The following PLXDC1 variants were observed in gnomAD, a reference collection of about 807,000 sequenced individuals.
The protein encoded by PLXDC1 is plexin domain-containing protein 1.
In PLXDC1, 39 loss-of-function variants were observed where a neutral mutation model predicts 61.3. That is an observed-to-expected ratio of 0.64 (90% CI 0.49 to 0.83). The LOEUF is 0.83. PLXDC1 is among the 40% of genes least tolerant of loss of function. PLXDC1 has a pLI of 0.00. For synonymous variants in PLXDC1, 212 were observed against 254.5 expected (o/e 0.83, Z 1.59); for missense variants, 596 against 666.5 (o/e 0.89, Z 1.17).
rs1271051337 is a variant in PLXDC1 at position 39,128,376 on chromosome 17, C to T, written c.255+11278G>A. The stretch of plus-strand genomic sequence containing the variant: ...AGGATTACAGGCACAAGCCACCATG[C>T]CCAGCTAATTTTTGTATTTTTTTAG... On this transcript the variant is annotated intron_variant, in intron 2 of 13. Coordinates refer to ENST00000315392, the MANE Select transcript of PLXDC1 (RefSeq NM_020405.5). Among the ~76,000 whole-genome samples the T allele has an allele frequency of 2.0e-5, 3 of 151,354 alleles. No homozygotes were observed. The East Asian group carries it at 5.9e-4, about 30-fold the overall frequency.
rs1226012191 is a variant in PLXDC1 at position 39,066,315 on chromosome 17, G to T, written c.*1525C>A. On this transcript the variant is annotated 3_prime_UTR_variant, in exon 14 of 14. Transcript: ENST00000315392. ...AGGGAAGGCTGGGCTGCAGGTTGGGGTAAAGCCCTTGATGCAGGCTGTAAC... is the reference window on the plus strand; with the variant it reads ...AGGGAAGGCTGGGCTGCAGGTTGGGTTAAAGCCCTTGATGCAGGCTGTAAC... 6.6e-6 allele frequency: 1 copy of T among 152,270 alleles called. No individual in the cohort carries two copies. Among genetic ancestry groups the T allele is most frequent in the Non-Finnish European group, 1.5e-5 (1 of 68,070 alleles). 9.4% of individuals were successfully genotyped at this position (152,270 alleles called of 1,614,324 possible). A position where few individuals can be genotyped will look rare whatever the true frequency, so the allele number is the denominator to read the frequency against.
Position 39,067,512 on chromosome 17 carries a change from A to C in PLXDC1, c.*328T>G. 1 of 206,178 alleles carries C rather than the reference A, an allele frequency of 4.9e-6. No homozygotes were observed. The highest frequency in any genetic ancestry group is 9.8e-6 in the Non-Finnish European group (1 of 102,138). 12.8% of individuals were successfully genotyped at this position (206,178 alleles called of 1,614,324 possible). On this transcript the variant is annotated 3_prime_UTR_variant, in exon 14 of 14. Coordinates refer to ENST00000315392, the MANE Select transcript of PLXDC1 (RefSeq NM_020405.5). ...AAGTTATCCTAGCCTAGGTGCAGGA[A>C]TAGGTAAAGGCCCCTTAAACAAAAA...
intron 2 of PLXDC1, among the ~76,000 whole-genome samples, chr17:39,118,983 T>G (rs1911077342): frequency 6.6e-6 from 1 of 152,198 alleles, no homozygotes; most frequent in East Asian, 1.9e-4. Flanking sequence ...AGACTTCTGA[T>G]CCACAGAAAG....
At chr17:39,074,709 A>G (rs1909259056) in intron 11 of PLXDC1, among the ~76,000 whole-genome samples, 2 of 152,122 alleles carry the variant, frequency 1.3e-5, no homozygotes, top group Non-Finnish European at 2.9e-5. Flanking sequence ...TGCCTCCACC[A>G]GACACTGTCT....
intron 12 of PLXDC1, chr17:39,072,071 C>A (rs1340797726): frequency 8.4e-6 from 2 of 236,730 alleles, no homozygotes; most frequent in East Asian, 1.6e-4. Context: ...CTGCTCTCCA[C>A]CCCTTGCTGA....
intron 2 of PLXDC1, among the ~76,000 whole-genome samples, chr17:39,128,176 T>C (rs1422948880): frequency 7.9e-6 from 1 of 126,378 alleles, no homozygotes; most frequent in Non-Finnish European, 1.7e-5. Context: ...TATATATGTA[T>C]ATATATATGT....
chr17:39,096,717 C>G (rs1016869808), intron 7 of PLXDC1, among the ~76,000 whole-genome samples: 1 of 152,242 alleles, frequency 6.6e-6, no homozygotes, highest in Non-Finnish European at 1.5e-5. Context: ...AGAAAATCCT[C>G]ACTAACTGAT....
At chr17:39,122,378 C>CA (rs71141762) in intron 2 of PLXDC1, among the ~76,000 whole-genome samples, 14,437 of 36,360 alleles carry the variant, frequency 0.4, 4,007 homozygotes, top group East Asian at 0.59. Flanking sequence ...GACTCTGTCT[C>CA]AAAAAAAAAA....
intron 5 of PLXDC1, 183 bp downstream of exon 5, chr17:39,107,940 C>G: frequency 6.2e-6 from 4 of 649,076 alleles, no homozygotes; most frequent in Non-Finnish European, 5.4e-6. Flanking sequence ...TCATCAGATT[C>G]TTCTGGGTAG....
chr17:39,103,847 A>G (rs75461677), intron 7 of PLXDC1, among the ~76,000 whole-genome samples: 1 of 146,592 alleles, frequency 6.8e-6, no homozygotes, highest in Non-Finnish European at 1.5e-5. Flanking sequence ...CTCTGTCTCA[A>G]AAAAAAAAAA....
intron 7 of PLXDC1, among the ~76,000 whole-genome samples, chr17:39,095,789 C>T (rs915198707): frequency 1.3e-5 from 2 of 152,044 alleles, no homozygotes; most frequent in Non-Finnish European, 2.9e-5. Context: ...CTCAGCCTCC[C>T]GAGGAGCTGG....
intron 7 of PLXDC1, among the ~76,000 whole-genome samples, chr17:39,102,011 G>A (rs1022434752): frequency 1.3e-5 from 2 of 152,180 alleles, no homozygotes; most frequent in Admixed American, 1.3e-4. Flanking sequence ...AGAAGCTGGT[G>A]AATTTCTGAA....
At chr17:39,103,032 T>C (rs796761865) in intron 7 of PLXDC1, among the ~76,000 whole-genome samples, 20 of 152,226 alleles carry the variant, frequency 1.3e-4, no homozygotes, top group African/African-American at 3.6e-4. Flanking sequence ...CTGGCTAACA[T>C]GGTGAAACCC....
At chr17:39,135,401 G>C (rs1326565711) in intron 2 of PLXDC1, among the ~76,000 whole-genome samples, 1 of 152,230 alleles carries the variant, frequency 6.6e-6, no homozygotes, top group South Asian at 2.1e-4. Context: ...TCCTGGCCAG[G>C]CATGGTGGCT....
At chr17:39,076,087 AAAAGAAAAAAAAAAAAAG>A (rs1909320608) in intron 11 of PLXDC1, among the ~76,000 whole-genome samples, 2 of 86,088 alleles carry the variant, frequency 2.3e-5, no homozygotes, top group Non-Finnish European at 6.4e-5. Context: ...GAAAAAAAAA[AAAAGAAAAAAAAAAAAAG>A]AAAGAAAAAA....
chr17:39,127,251 T>C (rs1016587911), intron 2 of PLXDC1, among the ~76,000 whole-genome samples: 1 of 152,112 alleles, frequency 6.6e-6, no homozygotes, highest in African/African-American at 2.4e-5. Context: ...ACGGTCTACC[T>C]CATCTGGGAC....
At chr17:39,088,943 GAAAAAA>G (rs56714275) in intron 7 of PLXDC1, among the ~76,000 whole-genome samples, 3 of 63,912 alleles carry the variant, frequency 4.7e-5, no homozygotes, top group Non-Finnish European at 8.5e-5. Context: ...GAGCAAGACT[GAAAAAA>G]AAAAAAAAAA....
intron 7 of PLXDC1, among the ~76,000 whole-genome samples, chr17:39,092,981 A>G (rs1376901068): frequency 6.6e-6 from 1 of 152,206 alleles, no homozygotes; most frequent in Non-Finnish European, 1.5e-5. Context: ...AGCTGCATAC[A>G]TGATCTCCAG....
chr17:39,129,911 C>T (rs1011105122), intron 2 of PLXDC1, among the ~76,000 whole-genome samples: 3 of 151,922 alleles, frequency 2.0e-5, no homozygotes, highest in Non-Finnish European at 2.9e-5. Flanking sequence ...AACGGATAAA[C>T]GAATTATGGT....
Sources: allele counts gnomAD v4.1 joint callset (sites outside exome capture counted in the v4.1 genomes callset), GRCh38; gene constraint gnomAD v4.1.1; transcripts MANE v1.5; gene names NCBI Gene and HGNC (gene_info 2026-07-23, HGNC 2026-07-21).